CACNA2D3: variants seen among roughly 807,000 people sequenced by gnomAD.
The protein encoded by CACNA2D3 is voltage-dependent calcium channel subunit alpha-2/delta-3.
CACNA2D3 carries 60 observed loss-of-function variants against 160.6 expected under a neutral mutation model. The observed-to-expected ratio is 0.37, with a 90% CI of 0.30 to 0.46. CACNA2D3 has a LOEUF of 0.46. CACNA2D3 is among the 20% of genes least tolerant of loss of function. The pLI, the probability that CACNA2D3 is intolerant of heterozygous loss-of-function variation, is 1.00. For synonymous variants in CACNA2D3, 558 were observed against 492.9 expected, an observed-to-expected ratio of 1.13 and a Z score of -1.75; for missense variants, 1,205 against 1,365.0, an observed-to-expected ratio of 0.88 and a Z score of 1.85.
intron 17 of CACNA2D3, among the ~76,000 whole-genome samples, chr3:54,856,739 T>A (rs544664614): frequency 7.2e-5 from 11 of 152,318 alleles, no homozygotes; most frequent in African/African-American, 2.6e-4. Context: ...CTTAGTTAGA[T>A]GGTCAGGGAG....
At chr3:54,601,139 C>T (rs538856787) in intron 9 of CACNA2D3, among the ~76,000 whole-genome samples, 1 of 152,284 alleles carries the variant, frequency 6.6e-6, no homozygotes, top group African/African-American at 2.4e-5. Context: ...TCCCATTCTG[C>T]TTATCAAGTT....
intron 35 of CACNA2D3, among the ~76,000 whole-genome samples, chr3:55,035,911 A>C (rs1326687025): frequency 6.6e-6 from 1 of 152,198 alleles, no homozygotes; most frequent in African/African-American, 2.4e-5. Flanking sequence ...ATGGATATTA[A>C]AATTTGGTAG....
intron 3 of CACNA2D3, among the ~76,000 whole-genome samples, chr3:54,324,520 A>T (rs1260984024): frequency 6.6e-6 from 1 of 152,136 alleles, no homozygotes; most frequent in Non-Finnish European, 1.5e-5. Flanking sequence ...GCATTTCTTA[A>T]CTAATATTTT....
At chr3:54,217,760 T>C (rs1418503361) in intron 2 of CACNA2D3, among the ~76,000 whole-genome samples, 1 of 152,122 alleles carries the variant, frequency 6.6e-6, no homozygotes, top group Non-Finnish European at 1.5e-5. Flanking sequence ...CTAAGATGCA[T>C]GGCCCTCAGA....
At chr3:54,438,454 T>A (rs1262170523) in intron 4 of CACNA2D3, among the ~76,000 whole-genome samples, 1 of 152,310 alleles carries the variant, frequency 6.6e-6, no homozygotes, top group South Asian at 2.1e-4. Flanking sequence ...AAAGTGTTGC[T>A]TTGGGAAATC....
intron 3 of CACNA2D3, among the ~76,000 whole-genome samples, chr3:54,385,643 C>T (rs990714424): frequency 5.9e-5 from 9 of 152,116 alleles, no homozygotes; most frequent in African/African-American, 1.7e-4. Flanking sequence ...TAAAGTTACC[C>T]GAATGTATTT....
intron 4 of CACNA2D3, among the ~76,000 whole-genome samples, chr3:54,488,227 A>T (rs964741962): frequency 6.6e-6 from 1 of 152,168 alleles, no homozygotes; most frequent in Non-Finnish European, 1.5e-5. Context: ...TTGCTTAAGC[A>T]AGGTAGTTTT....
chr3:54,791,851 C>G (rs903078969), intron 13 of CACNA2D3, among the ~76,000 whole-genome samples: 4 of 152,160 alleles, frequency 2.6e-5, no homozygotes, highest in Non-Finnish European at 5.9e-5. Context: ...ATAGTCAGTA[C>G]AAACATAAGT....
At chr3:54,165,600 T>TC (rs1553741735) in intron 2 of CACNA2D3, among the ~76,000 whole-genome samples, 2 of 93,426 alleles carry the variant, frequency 2.1e-5, no homozygotes, top group Admixed American at 2.3e-4. Context: ...GTTCCATCTC[T>TC]AAAAAAAAAA....
At chr3:54,353,324 T>C (rs1171615922) in intron 3 of CACNA2D3, among the ~76,000 whole-genome samples, 1 of 152,334 alleles carries the variant, frequency 6.6e-6, no homozygotes, top group East Asian at 1.9e-4. Flanking sequence ...TGATGTCTTC[T>C]TATGGTTTGT....
At chr3:54,624,885 G>C (rs1575389569) in intron 9 of CACNA2D3, among the ~76,000 whole-genome samples, 1 of 152,316 alleles carries the variant, frequency 6.6e-6, no homozygotes, top group East Asian at 1.9e-4. Context: ...AAGTCCTCAT[G>C]GTGGTCACAA....
intron 5 of CACNA2D3, among the ~76,000 whole-genome samples, chr3:54,506,214 T>C (rs766382182): frequency 8.5e-5 from 13 of 152,262 alleles, no homozygotes; most frequent in Non-Finnish European, 1.6e-4. Flanking sequence ...ATATATTTTA[T>C]GTTTAGAAGG....
chr3:54,659,353 A>G (rs985217353), intron 11 of CACNA2D3, among the ~76,000 whole-genome samples: 1 of 152,100 alleles, frequency 6.6e-6, no homozygotes, highest in South Asian at 2.1e-4. Flanking sequence ...ATTTCCTATG[A>G]GCATCACTTC....
At chr3:54,720,771 T>C (rs1377428665) in intron 11 of CACNA2D3, among the ~76,000 whole-genome samples, 1 of 152,150 alleles carries the variant, frequency 6.6e-6, no homozygotes, top group African/African-American at 2.4e-5. Context: ...TTGTATGTGT[T>C]ATTATCAGTA....
At chr3:54,801,418 A>G (rs1702984094) in intron 13 of CACNA2D3, among the ~76,000 whole-genome samples, 1 of 152,164 alleles carries the variant, frequency 6.6e-6, no homozygotes, top group South Asian at 2.1e-4. Context: ...AATGTGCAAT[A>G]CCCTTTAACC....
At chr3:54,214,488 G>A (rs2107367392) in intron 2 of CACNA2D3, among the ~76,000 whole-genome samples, 1 of 152,318 alleles carries the variant, frequency 6.6e-6, no homozygotes, top group South Asian at 2.1e-4. Flanking sequence ...GACCTGGTTA[G>A]TACACAGTGG....
chr3:54,802,712 C>T (rs1206253628), intron 13 of CACNA2D3, among the ~76,000 whole-genome samples: 1 of 152,126 alleles, frequency 6.6e-6, no homozygotes, highest in Non-Finnish European at 1.5e-5. Context: ...CAATGGTTCT[C>T]CCAGCATGCA....
intron 13 of CACNA2D3, among the ~76,000 whole-genome samples, chr3:54,777,147 C>A (rs887135541): frequency 6.6e-6 from 1 of 152,184 alleles, no homozygotes; most frequent in Non-Finnish European, 1.5e-5. Flanking sequence ...AGATTTCATT[C>A]TTTCACCTTT....
At chr3:54,165,559 T>C (rs1700436072) in intron 2 of CACNA2D3, among the ~76,000 whole-genome samples, 1 of 149,164 alleles carries the variant, frequency 6.7e-6, no homozygotes, top group South Asian at 2.1e-4. Context: ...GCACAGTGGC[T>C]CATGCCTGTA....
Sources: gnomAD v4.1 joint callset for allele counts (sites outside exome capture counted in the v4.1 genomes callset) on GRCh38, gnomAD v4.1.1 for gene constraint, MANE v1.5 for transcripts, NCBI Gene and HGNC (gene_info 2026-07-23, HGNC 2026-07-21) for gene names.